The following ABL1 variants were observed in gnomAD, a reference collection of about 807,000 sequenced individuals.
The protein encoded by ABL1 is ABL proto-oncogene 1, non-receptor tyrosine kinase.
A neutral mutation model predicts 94.7 loss-of-function variants in ABL1; 11 were observed. The ratio of observed to expected loss-of-function variants is 0.12; its 90% CI spans 0.07 to 0.19. The LOEUF (loss-of-function observed/expected upper bound fraction) is 0.19, where lower values mean the gene tolerates loss of function less well. ABL1 is among the 10% of genes least tolerant of loss of function. The probability of loss-of-function intolerance (pLI) is 1.00; values close to 1 mark genes in which losing one functional copy is unlikely to be tolerated. For synonymous variants in ABL1, 656 were observed against 622.4 expected (o/e 1.05, Z -0.80); for missense variants, 1,082 against 1,489.4 (o/e 0.73, Z 4.50).
At chr9:130,867,180 G>A (rs1398558830) in intron 4 of ABL1, among the ~76,000 whole-genome samples, 1 of 152,108 alleles carries the variant, frequency 6.6e-6, no homozygotes, top group South Asian at 2.1e-4. Context: ...TTTTGAATAG[G>A]TTGTCCCACC....
rs1311708633 is a variant in ABL1, at chr9:130,862,268, T to A, written c.550-495T>A. 6.6e-6 allele frequency among the ~76,000 whole-genome samples: 1 copy of A among 152,228 alleles called. No homozygotes were observed. The highest frequency in any genetic ancestry group is 2.4e-5 in the African/African-American group (1 of 41,454). On this transcript the variant is annotated intron_variant, in intron 3 of 10. Coordinates refer to ENST00000318560, the MANE Select transcript of ABL1 (RefSeq NM_005157.6). This position sits in a 1 kb window ranked among gnomAD's most constrained non-coding sequence, Gnocchi z 5.5. ...TTCTCAACATTGGAATGAAGACAGC[T>A]TAGGGTTCTGCTTTCATGAAGCTTG...
intron 1 of ABL1, among the ~76,000 whole-genome samples, chr9:130,837,990 CTCAGCCTAGCTG>C (rs1184728364): frequency 2.6e-5 from 4 of 152,246 alleles, no homozygotes; most frequent in Admixed American, 2.6e-4. Context: ...CTACCTGCTA[CTCAGCCTAGCTG>C]TCAAAGCAAC....
At chr9:130,842,421 TTATC>T (rs1195716442) in intron 1 of ABL1, among the ~76,000 whole-genome samples, 4 of 152,210 alleles carry the variant, frequency 2.6e-5, no homozygotes, top group African/African-American at 9.6e-5. Context: ...AACCTAGTCT[TTATC>T]TGTCTTACAA....
rs116177111 is a variant in ABL1, at chr9:130,886,169, G to A, written c.*486G>A. The stretch of plus-strand genomic sequence containing the variant: ...CCTGCACTCCCTGGCCTTGCCCGTC[G>A]TGTGCTGAAGACATGTTTCAAGAAC... On this transcript the variant is annotated 3_prime_UTR_variant, in exon 11 of 11. Coordinates refer to ENST00000318560, the MANE Select transcript of ABL1 (RefSeq NM_005157.6). 1.3e-3 allele frequency: 307 copies of A among 243,800 alleles called. No homozygotes were observed. The highest frequency in any genetic ancestry group is 6.3e-3 in the African/African-American group (289 of 45,600). 15.1% of individuals were successfully genotyped at this position (243,800 alleles called of 1,614,324 possible).
At chr9:130,720,434 G>A (rs1459198652) in intron 1 of ABL1, among the ~76,000 whole-genome samples, 1 of 152,182 alleles carries the variant, frequency 6.6e-6, no homozygotes, top group Admixed American at 6.5e-5. Context: ...AGGGAACCAG[G>A]ATGCAGAAAC....
chr9:130,720,000 T>G (rs1450584690), intron 1 of ABL1, among the ~76,000 whole-genome samples: 1 of 152,240 alleles, frequency 6.6e-6, no homozygotes, highest in African/African-American at 2.4e-5. Flanking sequence ...GTGGCTTGAC[T>G]AAGAAAATTC....
chr9:130,799,900 T>A (rs1830032524), intron 1 of ABL1, among the ~76,000 whole-genome samples: 1 of 151,318 alleles, frequency 6.6e-6, no homozygotes, highest in Non-Finnish European at 1.5e-5. Flanking sequence ...AGAGATGGAG[T>A]CTTGCTCTGT....
chr9:130,752,769 G>A (rs553299312), intron 1 of ABL1, among the ~76,000 whole-genome samples: 2 of 151,570 alleles, frequency 1.3e-5, no homozygotes, highest in African/African-American at 4.8e-5. Flanking sequence ...GACCAGCCAT[G>A]GCCAACATAT....
In ABL1 at chr9:130,718,386, A is replaced by G. The variant is rs1831473267; in HGVS notation, c.136+3931A>G. ...GATGTAGCATCAAAGAACAATATCT[A>G]CGGTTATCTAGAAAGTCTGTTTTGG... On this transcript the variant is annotated intron_variant, in intron 1 of 10. Coordinates refer to the ABL1 transcript ENST00000372348. 2.6e-5 allele frequency among the ~76,000 whole-genome samples: 4 copies of G among 151,832 alleles called. No homozygotes were observed. In the South Asian group the frequency reaches 6.2e-4, roughly 24 times the overall value.
At chr9:130,748,665 T>C (rs1012992748) in intron 1 of ABL1, among the ~76,000 whole-genome samples, 1 of 151,920 alleles carries the variant, frequency 6.6e-6, no homozygotes, top group Non-Finnish European at 1.5e-5. Context: ...AACCTTCGCC[T>C]CCCGGGTTCA....
chr9:130,724,927 T>G, intron 1 of ABL1: 1 of 368,798 alleles, frequency 2.7e-6, no homozygotes, highest in Admixed American at 2.8e-5. Flanking sequence ...CTCTTGCGCT[T>G]GGCGGGGTAG....
intron 1 of ABL1, among the ~76,000 whole-genome samples, chr9:130,816,222 C>T (rs1055869633): frequency 4.6e-5 from 7 of 152,196 alleles, no homozygotes; most frequent in African/African-American, 1.7e-4. Context: ...TTTGCACTTG[C>T]TGTTCTCTGC....
At chr9:130,859,672 C>CT (rs1201018537) in intron 3 of ABL1, among the ~76,000 whole-genome samples, 4,286 of 86,036 alleles carry the variant, frequency 0.05, 382 homozygotes, top group Admixed American at 0.067. Flanking sequence ...TCTTTTCTTT[C>CT]TTTCCTTTTT....
intron 1 of ABL1, among the ~76,000 whole-genome samples, chr9:130,725,646 C>T (rs1025718957): frequency 1.3e-5 from 2 of 151,744 alleles, no homozygotes; most frequent in Admixed American, 1.3e-4. Flanking sequence ...TCCCAAAGTG[C>T]GGGGATTACA....
chr9:130,774,343 C>T (rs556352955), intron 1 of ABL1, among the ~76,000 whole-genome samples: 12 of 152,210 alleles, frequency 7.9e-5, no homozygotes, highest in African/African-American at 1.7e-4. Context: ...GATCGCTGGT[C>T]ATATGGTAGC....
At chr9:130,722,113 C>T (rs1342422911) in intron 1 of ABL1, among the ~76,000 whole-genome samples, 1 of 151,634 alleles carries the variant, frequency 6.6e-6, no homozygotes, top group Non-Finnish European at 1.5e-5. Flanking sequence ...TTTGGACAGG[C>T]TGGGCGTGGT....
intron 1 of ABL1, among the ~76,000 whole-genome samples, chr9:130,724,136 G>T (rs1831549602): frequency 6.6e-6 from 1 of 152,098 alleles, no homozygotes. Flanking sequence ...AAGAGATAAG[G>T]TCTTGCTTTG....
intron 1 of ABL1, among the ~76,000 whole-genome samples, chr9:130,735,767 G>A (rs1415757098): frequency 6.6e-6 from 1 of 151,264 alleles, no homozygotes. Flanking sequence ...CAGGGGTAAC[G>A]TTATAGCTGT....
At position 130,885,209 on chromosome 9, in the gene ABL1, G is replaced by A. The variant is rs766424897; in HGVS notation, c.2919G>A (p.Gly973=). 2 of 1,613,624 alleles carry A rather than the reference G, an allele frequency of 1.2e-6. No homozygotes were observed. The highest frequency in any genetic ancestry group is 1.1e-5 in the South Asian group (1 of 91,080). ...AGCCACAGTCCGCCAAGCCGTCGGG[G>A]ACCCCCATCAGCCCAGCCCCCGTTC... ...TPKPQSAKPS[G]TPISPAPVPS... Residue 973 remains glycine, a synonymous_variant, in exon 11 of 11, where the codon GGG becomes GGA. Coordinates refer to ENST00000318560, the MANE Select transcript of ABL1 (RefSeq NM_005157.6).
Sources: gnomAD v4.1 joint callset for allele counts (sites outside exome capture counted in the v4.1 genomes callset) on GRCh38, gnomAD v4.1.1 for gene constraint, Gnocchi (gnomAD v3.1) non-coding constraint, MANE v1.5 for transcripts, NCBI Gene and HGNC (gene_info 2026-07-23, HGNC 2026-07-21) for gene names.